Variants in NGEF observed in about 807,000 individuals in gnomAD.
NGEF encodes neuronal guanine nucleotide exchange factor, also known as ephexin-1.
A neutral mutation model predicts 80.9 loss-of-function variants in NGEF; 31 were observed. That is an observed-to-expected ratio of 0.38 (90% CI 0.29 to 0.52). The LOEUF is 0.52. Among genes scored for constraint, NGEF ranks in the 20% least tolerant of loss-of-function variants. The pLI is 0.84. For synonymous variants in NGEF, 371 were observed against 370.2 expected, an observed-to-expected ratio of 1.00 and a Z score of -0.03; for missense variants, 709 against 926.2, an observed-to-expected ratio of 0.77 and a Z score of 3.04.
At chr2:232,993,736 C>T (rs1289964725) in intron 1 of NGEF, among the ~76,000 whole-genome samples, 1 of 152,102 alleles carries the variant, frequency 6.6e-6, no homozygotes, top group East Asian at 1.9e-4. Context: ...GATTATTAAG[C>T]TATAGAAGAA....
chr2:232,920,649 C>G, intron 4 of NGEF, 64 bp from the exon 5 acceptor site: 1 of 1,464,256 alleles, frequency 6.8e-7, no homozygotes, highest in Non-Finnish European at 9.2e-7. Flanking sequence ...TTAGAAATCC[C>G]TAAGTCAAGG....
At chr2:233,007,187 T>G (rs1481927123) in intron 1 of NGEF, among the ~76,000 whole-genome samples, 1 of 152,134 alleles carries the variant, frequency 6.6e-6, no homozygotes, top group Non-Finnish European at 1.5e-5. Context: ...AAGGGTGCAA[T>G]GAGCCATGAT....
chr2:232,921,980 C>T (rs78962218), intron 4 of NGEF, among the ~76,000 whole-genome samples: 4 of 105,310 alleles, frequency 3.8e-5, no homozygotes, highest in South Asian at 5.0e-4. Flanking sequence ...GATGAGGGTC[C>T]GGCTGAGGGT....
chr2:232,965,168 A>T (rs1694031240), intron 3 of NGEF, among the ~76,000 whole-genome samples: 1 of 152,226 alleles, frequency 6.6e-6, no homozygotes, highest in Non-Finnish European at 1.5e-5. Context: ...TTTAATTGTT[A>T]CCAGTCTTTG....
intron 3 of NGEF, among the ~76,000 whole-genome samples, chr2:232,960,316 T>C (rs1420021702): frequency 6.6e-6 from 1 of 152,258 alleles, no homozygotes; most frequent in Non-Finnish European, 1.5e-5. Context: ...ATTCATGACC[T>C]TGTGCCTGTA....
At chr2:232,909,193 T>G (rs766264822) in intron 5 of NGEF, among the ~76,000 whole-genome samples, 1 of 152,196 alleles carries the variant, frequency 6.6e-6, no homozygotes, top group Non-Finnish European at 1.5e-5. Flanking sequence ...GTTATAAATT[T>G]GAAATTTTCT....
intron 3 of NGEF, among the ~76,000 whole-genome samples, chr2:232,963,453 A>C (rs756026571): frequency 6.6e-6 from 1 of 151,938 alleles, no homozygotes; most frequent in African/African-American, 2.4e-5. Flanking sequence ...TAGGATATAA[A>C]AGGACAAACA....
chr2:233,007,193 A>G (rs887452266), intron 1 of NGEF, among the ~76,000 whole-genome samples: 1 of 152,212 alleles, frequency 6.6e-6, no homozygotes, highest in African/African-American at 2.4e-5. Context: ...GCAATGAGCC[A>G]TGATCCCACC....
rs556721420 is a variant in NGEF at position 233,003,778 on chromosome 2, C to T, written c.-75+9290G>A. Among the ~76,000 whole-genome samples, 75 of 152,226 alleles carry T rather than the reference C, an allele frequency of 4.9e-4. No individual in the cohort carries two copies. The South Asian group carries it at 0.015, about 31-fold the overall frequency. On this transcript the variant is annotated intron_variant, in intron 1 of 14. Coordinates refer to ENST00000264051, the MANE Select transcript of NGEF (RefSeq NM_019850.3). ...ATAAAAGTGCCAAGCTGAGGCCATC[C>T]AGGAGGCGCCCTGAGTCCCAGCCAT...
intron 9 of NGEF, 151 bp from the exon 10 acceptor site, chr2:232,885,520 T>C: frequency 1.6e-6 from 1 of 642,212 alleles, no homozygotes; most frequent in Non-Finnish European, 2.7e-6. Context: ...TCAGTCGGAC[T>C]GGAGCTCCTC....
At chr2:232,935,079 TTATTTTAGG>T (rs1309876056) in intron 3 of NGEF, among the ~76,000 whole-genome samples, 3 of 152,202 alleles carry the variant, frequency 2.0e-5, no homozygotes, top group Non-Finnish European at 2.9e-5. Flanking sequence ...AAGTATTTAG[TTATTTTAGG>T]TATTTTATCT....
chr2:232,975,591 C>T (rs1318766419), intron 1 of NGEF, among the ~76,000 whole-genome samples: 3 of 152,158 alleles, frequency 2.0e-5, no homozygotes, highest in Non-Finnish European at 4.4e-5. Flanking sequence ...GACCATATAG[C>T]ATATCATCTG....
At chr2:232,950,618 AG>A (rs1329697079) in intron 3 of NGEF, among the ~76,000 whole-genome samples, 3 of 152,244 alleles carry the variant, frequency 2.0e-5, no homozygotes, top group Non-Finnish European at 2.9e-5. Flanking sequence ...CTGATTTTCC[AG>A]AAAAGGCTAC....
At chr2:232,988,455 A>G (rs1694583676) in intron 1 of NGEF, among the ~76,000 whole-genome samples, 1 of 152,246 alleles carries the variant, frequency 6.6e-6, no homozygotes, top group Non-Finnish European at 1.5e-5. Context: ...TATATTGGCA[A>G]AAACTCAAAA....
chr2:232,938,142 G>C (rs764381358), intron 3 of NGEF, among the ~76,000 whole-genome samples: 1 of 152,194 alleles, frequency 6.6e-6, no homozygotes, highest in African/African-American at 2.4e-5. Context: ...CTGAAGACTG[G>C]AGATTGCTAC....
At chr2:233,012,667 G>A (rs1293212127) in intron 1 of NGEF, 7 of 359,428 alleles carry the variant, frequency 1.9e-5, no homozygotes, top group Non-Finnish European at 3.3e-5. Flanking sequence ...TTCTTAGAAG[G>A]TGCCCCGGCT....
intron 1 of NGEF, among the ~76,000 whole-genome samples, chr2:232,986,461 A>G (rs1005038244): frequency 6.6e-6 from 1 of 152,258 alleles, no homozygotes; most frequent in East Asian, 1.9e-4. Context: ...CCATATGTCC[A>G]TCTACAGATA....
At chr2:232,932,499 T>A (rs1693236868) in intron 3 of NGEF, among the ~76,000 whole-genome samples, 1 of 152,232 alleles carries the variant, frequency 6.6e-6, no homozygotes, top group Middle Eastern at 3.4e-3. Context: ...CATGGCGATC[T>A]AGGCTTTTTT....
At chr2:232,995,236 A>G (rs1262482977) in intron 1 of NGEF, among the ~76,000 whole-genome samples, 1 of 80,492 alleles carries the variant, frequency 1.2e-5, no homozygotes, top group African/African-American at 6.7e-5. Flanking sequence ...TATGCTGTGT[A>G]CAGTATGTAT....
Sources: allele counts gnomAD v4.1 joint callset (sites outside exome capture counted in the v4.1 genomes callset), GRCh38; gene constraint gnomAD v4.1.1; transcripts MANE v1.5; gene names NCBI Gene and HGNC (gene_info 2026-07-23, HGNC 2026-07-21).